The following DCC variants were observed in gnomAD, a reference collection of about 807,000 sequenced individuals.
DCC encodes netrin receptor DCC.
In DCC, 58 loss-of-function variants were observed where a neutral mutation model predicts 172.5. The ratio of observed to expected loss-of-function variants is 0.34; its 90% CI spans 0.27 to 0.42. The LOEUF is 0.42. DCC is among the 10% of genes least tolerant of loss of function. DCC has a pLI of 1.00. For synonymous variants in DCC, 709 were observed against 644.5 expected (o/e 1.10, Z -1.52); for missense variants, 1,740 against 1,791.0 (o/e 0.97, Z 0.51).
chr18:52,852,021 C>G (rs1212531510), intron 2 of DCC, among the ~76,000 whole-genome samples: 1 of 152,000 alleles, frequency 6.6e-6, no homozygotes, highest in Non-Finnish European at 1.5e-5. Context: ...TTCAGCTATT[C>G]AAAATAGATT....
intron 1 of DCC, among the ~76,000 whole-genome samples, chr18:52,740,750 A>G (rs909716661): frequency 1.3e-4 from 20 of 152,198 alleles, no homozygotes; most frequent in African/African-American, 3.6e-4. Context: ...TATTTTATGG[A>G]TAATGAGGTA....
Position 52,838,625 on chromosome 18 carries a change from A to G in DCC, c.413-67419A>G, listed in dbSNP as rs543928359. On this transcript the variant is annotated intron_variant, in intron 2 of 28. Coordinates refer to ENST00000442544, the MANE Select transcript of DCC (RefSeq NM_005215.4). ...TTAAACAATAATAAGTATTTACTCA[A>G]TTCTTACTATGAACCAGATATTTGG... Among the ~76,000 whole-genome samples the G allele has an allele frequency of 3.0e-4, 46 of 152,366 alleles. No individual in the cohort carries two copies. The South Asian group carries it at 9.5e-3, about 32-fold the overall frequency.
intron 5 of DCC, among the ~76,000 whole-genome samples, chr18:52,963,848 A>T (rs1278526666): frequency 2.0e-5 from 3 of 149,138 alleles, no homozygotes; most frequent in African/African-American, 7.4e-5. Flanking sequence ...TTTTTATCCA[A>T]ACTCTCAGAG....
chr18:52,551,445 G>A (rs1220461162), intron 1 of DCC, among the ~76,000 whole-genome samples: 1 of 151,940 alleles, frequency 6.6e-6, no homozygotes, highest in African/African-American at 2.4e-5. Flanking sequence ...GCTTGTTATA[G>A]TAATATGATT....
chr18:53,309,103 T>A (rs1294409770), intron 13 of DCC, among the ~76,000 whole-genome samples: 1 of 152,156 alleles, frequency 6.6e-6, no homozygotes, highest in Non-Finnish European at 1.5e-5. Flanking sequence ...CGTGGCATGA[T>A]CATAGTTTAC....
chr18:53,530,749 G>T lies in DCC; in HGVS notation c.*96G>T. On this transcript the variant is annotated 3_prime_UTR_variant, in exon 29 of 29. Coordinates refer to ENST00000442544, the MANE Select transcript of DCC (RefSeq NM_005215.4). The stretch of plus-strand genomic sequence containing the variant: ...CACCTGTGTCCAAGAACTCTAACCA[G>T]TGTACAGGTCACCCATCAGGACCAC... 1 of 780,868 alleles carries T rather than the reference G, an allele frequency of 1.3e-6. No homozygotes were observed. Among genetic ancestry groups the T allele is most frequent in the Non-Finnish European group, 2.4e-6 (1 of 425,194 alleles). The allele number at this position is 780,868 out of a possible 1,614,324, so 48.4% of individuals were successfully genotyped here.
chr18:52,646,926 C>G (rs140468323), intron 1 of DCC, among the ~76,000 whole-genome samples: 1 of 152,260 alleles, frequency 6.6e-6, no homozygotes, highest in African/African-American at 2.4e-5. Flanking sequence ...CATCCTAAGT[C>G]TATTTAGGAG....
chr18:52,596,404 A>C (rs186111088), intron 1 of DCC, among the ~76,000 whole-genome samples: 7 of 152,350 alleles, frequency 4.6e-5, no homozygotes, highest in Non-Finnish European at 1.0e-4. Flanking sequence ...CAGAAATCTT[A>C]GAGATCATTT....
chr18:52,539,587 G>T (rs1144073), intron 1 of DCC, among the ~76,000 whole-genome samples: 152,329 of 152,334 alleles, frequency 1, 76,162 homozygotes, highest in Non-Finnish European at 1. Flanking sequence ...TGCCTGATGA[G>T]CTGAAGTGGA....
At chr18:53,502,207 G>GTT (rs926034734) in intron 27 of DCC, among the ~76,000 whole-genome samples, 2 of 152,008 alleles carry the variant, frequency 1.3e-5, no homozygotes, top group Non-Finnish European at 2.9e-5. Flanking sequence ...TTGATTTTAT[G>GTT]TTTTTTATAG....
At chr18:53,210,275 T>C (rs2055728204) in intron 11 of DCC, among the ~76,000 whole-genome samples, 1 of 152,216 alleles carries the variant, frequency 6.6e-6, no homozygotes. Context: ...TTTAATCACA[T>C]TTAATAGTCA....
chr18:53,420,104 C>T (rs1568120051), intron 21 of DCC, among the ~76,000 whole-genome samples: 2 of 152,150 alleles, frequency 1.3e-5, no homozygotes, highest in Non-Finnish European at 2.9e-5. Context: ...ATCCGCCTGT[C>T]TTGGCCTCTT....
chr18:53,228,355 A>G (rs775459259), intron 12 of DCC, among the ~76,000 whole-genome samples: 1 of 152,158 alleles, frequency 6.6e-6, no homozygotes, highest in South Asian at 2.1e-4. Context: ...TTCCGTTACA[A>G]TCTTGGATTA....
intron 12 of DCC, among the ~76,000 whole-genome samples, chr18:53,232,499 A>G (rs2056137905): frequency 6.6e-6 from 1 of 152,112 alleles, no homozygotes; most frequent in Non-Finnish European, 1.5e-5. Flanking sequence ...CATGTCTTTC[A>G]TTCTCTTCAT....
At chr18:52,676,214 C>T (rs1257236982) in intron 1 of DCC, among the ~76,000 whole-genome samples, 2 of 152,138 alleles carry the variant, frequency 1.3e-5, no homozygotes, top group African/African-American at 4.8e-5. Flanking sequence ...TTTGGAGTCT[C>T]AGGTTTAACC....
rs1485573262 is a variant in DCC, at chr18:52,936,651, G to A, written c.985+11281G>A. Among the ~76,000 whole-genome samples the A allele has an allele frequency of 3.5e-5, 2 of 57,060 alleles. 1 individual carries two copies. Among genetic ancestry groups the A allele is most frequent in the Non-Finnish European group, 1.1e-4 (2 of 19,020 alleles). 37.4% of individuals were successfully genotyped at this position (57,060 alleles called of 152,430 possible). A position where few individuals can be genotyped will look rare whatever the true frequency, so the allele number is the denominator to read the frequency against. On this transcript the variant is annotated intron_variant, in intron 5 of 28. Transcript: ENST00000442544. Reference sequence around the variant, plus strand: ...ATTTTAATTATCCCTAACAATCTAAGCAAGGTGAATTGACAATCTGTGGCT... The same window carrying A: ...ATTTTAATTATCCCTAACAATCTAAACAAGGTGAATTGACAATCTGTGGCT...
In DCC at chr18:53,351,463, T is replaced by TGTATATATATATATACACA. The variant is rs1568075497; in HGVS notation, c.2359+11558_2359+11559insATATATATATATACACAGT. 2.6e-4 allele frequency among the ~76,000 whole-genome samples: 6 copies of TGTATATATATATATACACA among 22,832 alleles called. 1 individual carries two copies. The highest frequency in any genetic ancestry group is 9.4e-4 in the Admixed American group (2 of 2,138). The allele number at this position is 22,832 out of a possible 152,430, so 15.0% of individuals were successfully genotyped here. On this transcript the variant is annotated intron_variant, in intron 15 of 28. Coordinates refer to ENST00000442544, the MANE Select transcript of DCC (RefSeq NM_005215.4). The stretch of plus-strand genomic sequence containing the variant: ...ACAGTGTATATATATATATACACAG[T>TGTATATATATATATACACA]GTGTATATATATATATATATATATA...
rs140189860 is a variant in DCC, at chr18:52,558,030, G to C, written c.92-194024G>C. On this transcript the variant is annotated intron_variant, in intron 1 of 28. Coordinates refer to ENST00000442544, the MANE Select transcript of DCC (RefSeq NM_005215.4). ...TTGTGAGTATATTATATATAAATTT[G>C]TGTTCTTATGTTTTCCTTCAGAATT... Among the ~76,000 whole-genome samples, 445 of 152,120 alleles carry C rather than the reference G, an allele frequency of 2.9e-3. 3 individuals are homozygous for C. Among genetic ancestry groups the C allele is most frequent in the African/African-American group, 0.01 (425 of 41,506 alleles).
chr18:52,900,906 T>C (rs1042562881), intron 2 of DCC, among the ~76,000 whole-genome samples: 6 of 152,226 alleles, frequency 3.9e-5, no homozygotes, highest in Admixed American at 1.3e-4. Context: ...ATTGTTTGTC[T>C]GCTATTTTTA....
Sources: allele counts gnomAD v4.1 joint callset (sites outside exome capture counted in the v4.1 genomes callset), GRCh38; gene constraint gnomAD v4.1.1; transcripts MANE v1.5; gene names NCBI Gene and HGNC (gene_info 2026-07-23, HGNC 2026-07-21).